The following ARID3C variants were observed in gnomAD, a reference collection of about 807,000 sequenced individuals.
ARID3C encodes AT-rich interactive domain-containing protein 3C.
ARID3C carries 42 observed loss-of-function variants against 37.9 expected under a neutral mutation model. The observed-to-expected ratio is 1.11, with a 90% CI of 0.87 to 1.43. The LOEUF is 1.43. ARID3C is among the 40% of genes most tolerant of loss of function. The probability of loss-of-function intolerance (pLI) is 0.00; values close to 1 mark genes in which losing one functional copy is unlikely to be tolerated. For synonymous variants in ARID3C, 213 were observed against 228.0 expected (o/e 0.93, Z 0.59); for missense variants, 581 against 548.8 (o/e 1.06, Z -0.59).
chr9:34,621,145 G>T (rs1162299240), downstream of ARID3C, among the ~76,000 whole-genome samples: 1 of 152,190 alleles, frequency 6.6e-6, no homozygotes, highest in Non-Finnish European at 1.5e-5. Flanking sequence ...CTGAAGAGAA[G>T]CAGGGCTGAC....
At chr9:34,631,669 G>T (rs986566368), upstream of ARID3C, among the ~76,000 whole-genome samples, 1 of 151,800 alleles carries the variant, frequency 6.6e-6, no homozygotes, top group African/African-American at 2.4e-5. Flanking sequence ...GAACATAAAA[G>T]GGGGCATTAG....
chr9:34,629,633 A>G (rs1820705030), upstream of ARID3C, among the ~76,000 whole-genome samples: 1 of 152,230 alleles, frequency 6.6e-6, no homozygotes, highest in Non-Finnish European at 1.5e-5. Flanking sequence ...ATGCACTCAC[A>G]CACTCTCAGA....
chr9:34,625,790 T>C (rs777283348), exon 2 of ARID3C: 1 of 1,613,926 alleles, frequency 6.2e-7, no homozygotes, highest in Non-Finnish European at 8.5e-7. Context: ...TCCTTCCTCT[T>C]GGGGTCTGCA....
upstream of ARID3C, among the ~76,000 whole-genome samples, chr9:34,629,465 A>C (rs1468569431): frequency 6.6e-6 from 1 of 152,236 alleles, no homozygotes; most frequent in Non-Finnish European, 1.5e-5. Flanking sequence ...CAAGAGGGGA[A>C]TCCCTCTGCA....
intron 5 of ARID3C, 71 bp from the exon 7 acceptor site, chr9:34,622,180 C>T (rs1820578133): frequency 1.1e-5 from 17 of 1,595,016 alleles, no homozygotes; most frequent in Middle Eastern, 1.8e-4. Context: ...GAATTTCCCC[C>T]CTCCATCCCC....
In ARID3C at chr9:34,628,024, C is replaced by T; in HGVS notation, c.-10G>A. On this transcript the variant is annotated 5_prime_UTR_variant, in exon 1 of 7. Transcript: ENST00000378909. This position sits in a 1 kb window ranked among gnomAD's most constrained non-coding sequence, Gnocchi z 5.2. ...TCTGCAGGGCCTCCATGACAGCTTC[C>T]AGGCGCAGTCCCCCAGCTGAGGGGG... 2 of 1,469,496 alleles carry T rather than the reference C, an allele frequency of 1.4e-6. No homozygotes were observed. Among genetic ancestry groups the T allele is most frequent in the Non-Finnish European group, 1.8e-6 (2 of 1,109,456 alleles). 91.0% of individuals were successfully genotyped at this position (1,469,496 alleles called of 1,614,324 possible). A position where few individuals can be genotyped will look rare whatever the true frequency, so the allele number is the denominator to read the frequency against.
intron 4 of ARID3C, 35 bp downstream of exon 5, chr9:34,623,390 G>T: frequency 6.8e-7 from 1 of 1,473,602 alleles, no homozygotes. Context: ...CTAAACCTCA[G>T]AGACCCCGAA....
intron 5 of ARID3C, 104 bp from the exon 7 acceptor site, chr9:34,622,213 C>T (rs1356104339): frequency 4.5e-6 from 7 of 1,571,416 alleles, no homozygotes; most frequent in Non-Finnish European, 6.1e-6. Flanking sequence ...CATTCCACTT[C>T]AGCCCCACAC....
upstream of ARID3C, among the ~76,000 whole-genome samples, chr9:34,631,487 G>A (rs1820722735): frequency 6.6e-6 from 1 of 152,180 alleles, no homozygotes; most frequent in African/African-American, 2.4e-5. Context: ...AGAGACCCAT[G>A]CTTCATTCAT....
exon 7 of ARID3C, chr9:34,621,524 A>G: frequency 6.4e-7 from 1 of 1,561,986 alleles, no homozygotes; most frequent in Non-Finnish European, 8.6e-7. Context: ...GACCCTGGGA[A>G]GCTGGCACAG....
intron 6 of ARID3C, 152 bp from the exon 8 acceptor site, chr9:34,621,710 G>C: frequency 1.5e-6 from 1 of 658,888 alleles, no homozygotes; most frequent in Non-Finnish European, 2.6e-6. Context: ...AGCTCCTTGG[G>C]TCAGTAAGAG....
rs544733538 is a variant in ARID3C at position 34,623,470 on chromosome 9, G to A, written c.820C>T (p.Pro274Ser). The A allele has an allele frequency of 4.2e-5, 64 of 1,536,572 alleles. 1 individual carries two copies. The South Asian group carries it at 7.1e-4, about 17-fold the overall frequency. Residue 274 changes from proline (P) to serine (S), a missense_variant, in exon 4 of 7, where the codon CCA becomes TCA. Physicochemically the swap from Pro to Ser is moderately conservative, Grantham distance 74. Coordinates refer to ENST00000378909, the Ensembl canonical transcript of ARID3C. ...CTCAGCTGAGCGCATGCATGCGCTG[G>A]CAGGCCGGAGGTGGAACCCTGGGCT...
intron 1 of ARID3C, 29 bp from the exon 3 acceptor site, chr9:34,625,843 C>T: frequency 6.2e-7 from 1 of 1,612,464 alleles, no homozygotes; most frequent in East Asian, 2.2e-5. Context: ...CATTCTACAG[C>T]TCTGCTGACT....
chr9:34,630,485 A>G (rs374915000), upstream of ARID3C, among the ~76,000 whole-genome samples: 10 of 152,232 alleles, frequency 6.6e-5, no homozygotes, highest in East Asian at 1.9e-3. Context: ...ATAGGTATGA[A>G]ACTGTGGCAC....
intron 6 of ARID3C, among the ~76,000 whole-genome samples, 178 bp from the exon 8 acceptor site, chr9:34,621,736 T>C (rs1307830193): frequency 1.3e-5 from 2 of 152,074 alleles, no homozygotes; most frequent in African/African-American, 4.8e-5. Context: ...ATTGCTAATG[T>C]AGATACCTCA....
At chr9:34,621,949 G>A in intron 6 of ARID3C, 71 bp downstream of exon 7, 2 of 1,451,652 alleles carry the variant, frequency 1.4e-6, no homozygotes, top group Non-Finnish European at 1.9e-6. Context: ...AGTAGAGGAA[G>A]TCTAAAATCC....
upstream of ARID3C, among the ~76,000 whole-genome samples, chr9:34,629,218 G>A (rs1820700748): frequency 6.6e-6 from 1 of 152,220 alleles, no homozygotes; most frequent in Non-Finnish European, 1.5e-5. Context: ...GCGCTGGAAA[G>A]CTGCGGGGGA....
exon 1 of ARID3C, chr9:34,627,986 G>C: frequency 6.6e-7 from 1 of 1,512,166 alleles, no homozygotes; most frequent in Non-Finnish European, 8.9e-7. Context: ...GGCCAGCCGA[G>C]CTGCCTGCTG....
At chr9:34,625,072 G>A (rs1225326054) in intron 2 of ARID3C, among the ~76,000 whole-genome samples, 1 of 152,044 alleles carries the variant, frequency 6.6e-6, no homozygotes, top group Non-Finnish European at 1.5e-5. Flanking sequence ...CGGTGGGGGG[G>A]CGGGGGGTAA....
Sources: allele counts gnomAD v4.1 joint callset (sites outside exome capture counted in the v4.1 genomes callset), GRCh38; gene constraint gnomAD v4.1.1; non-coding constraint Gnocchi (gnomAD v3.1); transcripts MANE v1.5; gene names NCBI Gene and HGNC (gene_info 2026-07-23, HGNC 2026-07-21).